The following CCDC116 variants were observed in gnomAD, a reference collection of about 807,000 sequenced individuals.
The protein encoded by CCDC116 is coiled-coil domain-containing protein 116.
In CCDC116, 24 loss-of-function variants were observed where a neutral mutation model predicts 29.4. The observed-to-expected ratio is 0.82, with a 90% CI of 0.59 to 1.15. The LOEUF is 1.15. CCDC116 is among the 50% of genes most tolerant of loss of function. The pLI is 0.00. For synonymous variants in CCDC116, 298 were observed against 331.4 expected (o/e 0.90, Z 1.10); for missense variants, 791 against 804.0 (o/e 0.98, Z 0.20).
In CCDC116 at chr22:21,634,775, C is replaced by T. The variant is rs779905172; in HGVS notation, c.712C>T (p.Pro238Ser). The T allele has an allele frequency of 6.2e-7, 1 of 1,614,026 alleles. No individual in the cohort carries two copies. The highest frequency in any genetic ancestry group is 1.7e-5 in the Admixed American group (1 of 60,020). ...CAGCTTTCAGTGGACACAGGAGCAGCCCTTGTCCTGGTTCTCAGGGCTGCT... is the reference window on the plus strand; with the variant it reads ...CAGCTTTCAGTGGACACAGGAGCAGTCCTTGTCCTGGTTCTCAGGGCTGCT... ...QTSFQWTQEQ[P>S]LSWFSGLLGS... The change falls in exon 4 of 5, where the codon CCC becomes TCC. Residue 238 changes from proline to serine, a missense_variant. By Grantham distance (74) the Pro-to-Ser change is moderately conservative. Coordinates refer to ENST00000292779, the MANE Select transcript of CCDC116 (RefSeq NM_152612.3).
At position 21,635,030 on chromosome 22, in the gene CCDC116, A is replaced by G; in HGVS notation, c.967A>G (p.Lys323Glu). 3 of 1,610,690 alleles carry G rather than the reference A, an allele frequency of 1.9e-6. No individual in the cohort carries two copies. Among genetic ancestry groups the G allele is most frequent in the Non-Finnish European group, 2.5e-6 (3 of 1,179,966 alleles). Residue 323 changes from lysine to glutamate, a missense_variant, in exon 4 of 5, where the codon AAG becomes GAG. Physicochemically the swap from Lys to Glu is moderately conservative, Grantham distance 56 (BLOSUM62 1). Transcript: ENST00000292779. Reference protein sequence around the residue: ...LQSVVSQAVDKLRGAHCRDGR... With the variant: ...LQSVVSQAVDELRGAHCRDGR... ...AAGCGTGGTCAGCCAGGCTGTGGAT[A>G]AGCTCCGTGGCGCCCACTGCCGCGA...
chr22:21,634,045 G>A lies in CCDC116; in HGVS notation c.96G>A (p.Leu32=), dbSNP rs775335610. Residue 32 remains leucine (L), a synonymous_variant, in exon 3 of 5, where the codon CTG becomes CTA. Coordinates refer to ENST00000292779, the MANE Select transcript of CCDC116 (RefSeq NM_152612.3). ...SARVQLPKKP[L]VPEMRPACKP... ...AGGTGCAGCTGCCCAAGAAGCCACTGGTCCCAGAAATGCGGCCAGCCTGCA... is the reference window on the plus strand; with the variant it reads ...AGGTGCAGCTGCCCAAGAAGCCACTAGTCCCAGAAATGCGGCCAGCCTGCA... 6 of 1,610,816 alleles carry A rather than the reference G, an allele frequency of 3.7e-6. No homozygotes were observed. The highest frequency in any genetic ancestry group is 5.1e-6 in the Non-Finnish European group (6 of 1,178,206).
Position 21,634,382 on chromosome 22 carries a change from G to A in CCDC116, c.433G>A (p.Gly145Arg). ...RHRVRPTLCT[G>R]HPNNYPSSSS... ...CCGTGTACGGCCGACCCTCTGCACT[G>A]GACACCCCAACAACTACCCATCCAG... The change falls in exon 3 of 5, where the codon GGA (glycine) becomes AGA (arginine). Residue 145 changes from glycine (G) to arginine (R), a missense_variant. Gly to Arg is a moderately radical substitution (Grantham distance 125). Transcript: ENST00000292779. 5 of 1,613,880 alleles carry A rather than the reference G, an allele frequency of 3.1e-6. No individual in the cohort carries two copies. The highest frequency in any genetic ancestry group is 1.1e-5 in the South Asian group (1 of 91,086).
chr22:21,636,250 G>A (rs1489180703), intron 4 of CCDC116, among the ~76,000 whole-genome samples, 182 bp from the exon 5 acceptor site: 4 of 152,234 alleles, frequency 2.6e-5, no homozygotes, highest in Non-Finnish European at 4.4e-5. Context: ...CATAGCAGGT[G>A]TGGTAAGGCT....
In CCDC116 at chr22:21,634,281, T is replaced by A. The variant is rs753371951; in HGVS notation, c.332T>A (p.Val111Glu). The A allele has an allele frequency of 3.1e-6, 5 of 1,613,496 alleles. No individual in the cohort carries two copies. Among genetic ancestry groups the A allele is most frequent in the Non-Finnish European group, 4.2e-6 (5 of 1,179,958 alleles). Residue 111 changes from valine (V) to glutamate (E), a missense_variant, in exon 3 of 5, where the codon GTG becomes GAG. Coordinates refer to ENST00000292779, the MANE Select transcript of CCDC116 (RefSeq NM_152612.3). ...KTEAGVPLVE[V>E]QDPVEVPSGG... ...GAGGCTGGGGTGCCGCTTGTGGAGG[T>A]GCAGGACCCAGTGGAGGTGCCAAGT...
Position 21,636,574 on chromosome 22 carries a change from G to T in CCDC116, c.1346G>T (p.Arg449Leu), listed in dbSNP as rs371307025. ...CAGCAGGCAGCCTCCTTGGTCATCC[G>T]CAAGTACGAGTTCGAAAAGGACCTC... ...LTQQAASLVI[R>L]KYEFEKDLSK... Residue 449 changes from arginine to leucine, a missense_variant, in exon 5 of 5, where the codon CGC (arginine) becomes CTC (leucine). Coordinates refer to ENST00000292779, the MANE Select transcript of CCDC116 (RefSeq NM_152612.3). The T allele has an allele frequency of 4.5e-5, 72 of 1,613,974 alleles. No homozygotes were observed. Among genetic ancestry groups the T allele is most frequent in the Non-Finnish European group, 5.8e-5 (69 of 1,180,022 alleles).
At chr22:21,632,893 C>T (rs1568996664) in intron 1 of CCDC116, 66 bp downstream of exon 1, 1 of 559,244 alleles carries the variant, frequency 1.8e-6, no homozygotes, top group Non-Finnish European at 3.4e-6. Flanking sequence ...GAGGGCGGGT[C>T]GAGCACACGC....
In CCDC116 at chr22:21,637,037, C is replaced by T; in HGVS notation, c.1809C>T (p.Asp603=). The change falls in exon 5 of 5, where the codon GAC becomes GAT. Residue 603 remains aspartate (D), a synonymous_variant. Coordinates refer to ENST00000292779, the MANE Select transcript of CCDC116 (RefSeq NM_152612.3). ...DEDEDEFKDE[D]QDEDKDEDGV ...ATGAGGATGAGTTCAAGGATGAAGACCAGGATGAGGACAAGGATGAGGATG... is the reference window on the plus strand; with the variant it reads ...ATGAGGATGAGTTCAAGGATGAAGATCAGGATGAGGACAAGGATGAGGATG... The T allele has an allele frequency of 1.9e-6, 3 of 1,613,026 alleles. No homozygotes were observed. Among genetic ancestry groups the T allele is most frequent in the Non-Finnish European group, 2.5e-6 (3 of 1,179,896 alleles).
Position 21,635,101 on chromosome 22 carries a change from G to A in CCDC116, c.1038G>A (p.Leu346=). ...CCAGCTTGGAGCCCACCTCAGATCTGCCGCCTCTGGGCTCTGAGCCAGCTA... is the reference window on the plus strand; with the variant it reads ...CCAGCTTGGAGCCCACCTCAGATCTACCGCCTCTGGGCTCTGAGCCAGCTA... ...FPTSLEPTSD[L]PPLGSEPAKP... is the part of the protein sequence containing the mutation. Residue 346 remains leucine, a synonymous_variant, in exon 4 of 5, where the codon CTG becomes CTA. Coordinates refer to ENST00000292779, the MANE Select transcript of CCDC116 (RefSeq NM_152612.3). 6.2e-7 allele frequency: 1 copy of A among 1,607,338 alleles called. No homozygotes were observed. Among genetic ancestry groups the A allele is most frequent in the Non-Finnish European group, 8.5e-7 (1 of 1,179,964 alleles).
At chr22:21,632,976 G>A (rs577714097) in intron 1 of CCDC116, 144 bp from the exon 2 acceptor site, 62 of 701,474 alleles carry the variant, frequency 8.8e-5, no homozygotes, top group Non-Finnish European at 1.4e-4. Flanking sequence ...CTGCCTGCCT[G>A]CAGACGCATG....
At position 21,634,725 on chromosome 22, in the gene CCDC116, T is replaced by G; in HGVS notation, c.662T>G (p.Leu221Arg). The G allele has an allele frequency of 1.2e-6, 2 of 1,612,330 alleles. No homozygotes were observed. The highest frequency in any genetic ancestry group is 1.7e-6 in the Non-Finnish European group (2 of 1,178,660). The change falls in exon 4 of 5, where the codon CTG becomes CGG. Residue 221 changes from leucine (L) to arginine (R), a missense_variant. Transcript: ENST00000292779. ...SQSCSQRDSLLWDSLGSQTSF... is the reference protein window; with the variant it reads ...SQSCSQRDSLRWDSLGSQTSF... ...TCCTGCTCCCAGAGGGACTCCCTGC[T>G]GTGGGATTCGCTGGGTAGCCAGACC...
At position 21,635,412 on chromosome 22, in the gene CCDC116, C is replaced by A. The variant is rs766487668; in HGVS notation, c.1203+146C>A. 7.7e-6 allele frequency: 6 copies of A among 783,474 alleles called. No individual in the cohort carries two copies. In the South Asian group the frequency reaches 8.7e-5, roughly 11 times the overall value. The allele number at this position is 783,474 out of a possible 1,614,324, so 48.5% of individuals were successfully genotyped here. ...CAGCCCTGGCAGGGCCTGCACCTCA[C>A]CCTGCCCACGCCAGGGATTGTGGTG... On this transcript the variant is annotated intron_variant, in intron 4 of 4. Transcript: ENST00000292779.
Position 21,634,085 on chromosome 22 carries a change from C to T in CCDC116, c.136C>T (p.Pro46Ser), listed in dbSNP as rs1280544656. 6.2e-7 allele frequency: 1 copy of T among 1,614,106 alleles called. No homozygotes were observed. The highest frequency in any genetic ancestry group is 8.5e-7 in the Non-Finnish European group (1 of 1,179,994). Residue 46 changes from proline (P) to serine (S), a missense_variant, in exon 3 of 5, where the codon CCA becomes TCA. By Grantham distance (74) the Pro-to-Ser change is moderately conservative. Transcript: ENST00000292779. Reference sequence around the variant, plus strand: ...GCCAGCCTGCAAGCCGGGCCGTGTGCCACACCCACCATCCACATGTGGCAG... The same window carrying T: ...GCCAGCCTGCAAGCCGGGCCGTGTGTCACACCCACCATCCACATGTGGCAG... ...MRPACKPGRV[P>S]HPPSTCGSSA... is the part of the protein sequence containing the mutation.
In CCDC116 at chr22:21,634,122, A is replaced by G. The variant is rs772305680; in HGVS notation, c.173A>G (p.Gln58Arg). ...TCCACATGTGGCAGCTCAGCACTCCAGGGCCAACGCCGAAACAAGAGGCAC... is the reference window on the plus strand; with the variant it reads ...TCCACATGTGGCAGCTCAGCACTCCGGGGCCAACGCCGAAACAAGAGGCAC... ...PPSTCGSSAL[Q>R]GQRRNKRHPQ... Residue 58 changes from glutamine (Q) to arginine (R), a missense_variant, in exon 3 of 5, where the codon CAG (glutamine) becomes CGG (arginine). Physicochemically the swap from Gln to Arg is conservative, Grantham distance 43. Coordinates refer to ENST00000292779, the MANE Select transcript of CCDC116 (RefSeq NM_152612.3). 3 of 1,614,270 alleles carry G rather than the reference A, an allele frequency of 1.9e-6. No individual in the cohort carries two copies. Among genetic ancestry groups the G allele is most frequent in the Non-Finnish European group, 2.5e-6 (3 of 1,180,040 alleles).
At position 21,634,860 on chromosome 22, in the gene CCDC116, TCTTC is replaced by T. The variant is rs1311930895; in HGVS notation, c.799_802del (p.Phe267AlafsTer13). On this transcript the variant is annotated frameshift_variant, in exon 4 of 5. Coordinates refer to ENST00000292779, the MANE Select transcript of CCDC116 (RefSeq NM_152612.3). LOFTEE classifies it high-confidence loss of function. ...CCGAGGCCTGGAGAACAGGAGCCAA[TCTTC>T]CGCAAGCGAGAGTTCAATAAGGAGA... 1 of 1,613,838 alleles carries T rather than the reference TCTTC, an allele frequency of 6.2e-7. No individual in the cohort carries two copies. The highest frequency in any genetic ancestry group is 1.3e-5 in the African/African-American group (1 of 74,910).
intron 1 of CCDC116, 61 bp from the exon 2 acceptor site, chr22:21,633,059 C>A (rs1332033760): frequency 1.3e-6 from 1 of 796,336 alleles, no homozygotes; most frequent in Non-Finnish European, 2.2e-6. Context: ...CCCGCAGACT[C>A]CAGGGCCACA....
rs1260827743 is a variant in CCDC116 at position 21,635,206 on chromosome 22, G to A, written c.1143G>A (p.Lys381=). 1 of 1,599,918 alleles carries A rather than the reference G, an allele frequency of 6.3e-7. No individual in the cohort carries two copies. The highest frequency in any genetic ancestry group is 1.3e-5 in the African/African-American group (1 of 74,916). Residue 381 remains lysine, a synonymous_variant, in exon 4 of 5, where the codon AAG becomes AAA. Coordinates refer to ENST00000292779, the MANE Select transcript of CCDC116 (RefSeq NM_152612.3). ...CCAAGATGCTTCAGAGAAAACGCAA[G>A]GACAGAGGAGGCTCCCCCTCCATGT... The part of the protein sequence containing the change: ...SSPKMLQRKR[K]DRGGSPSMSS...
intron 1 of CCDC116, 93 bp downstream of exon 1, chr22:21,632,920 G>A (rs1274150872): frequency 6.3e-6 from 4 of 633,142 alleles, no homozygotes; most frequent in Admixed American, 2.3e-5. Flanking sequence ...AAAGATGATC[G>A]GAGACAGGAT....
chr22:21,635,457 G>T (rs1930760626), intron 4 of CCDC116, 191 bp downstream of exon 4: 1 of 708,050 alleles, frequency 1.4e-6, no homozygotes, highest in African/African-American at 1.7e-5. Flanking sequence ...TGCAGCCAGG[G>T]CCACCTCAGG....
Sources: gnomAD v4.1 joint callset for allele counts (sites outside exome capture counted in the v4.1 genomes callset) on GRCh38, gnomAD v4.1.1 for gene constraint, MANE v1.5 for transcripts, NCBI Gene and HGNC (gene_info 2026-07-23, HGNC 2026-07-21) for gene names.